FAT4: variants seen among roughly 807,000 people sequenced by gnomAD.
The protein encoded by FAT4 is protocadherin Fat 4.
FAT4 carries 84 observed loss-of-function variants against 303.9 expected under a neutral mutation model. That is an observed-to-expected ratio of 0.28 (90% CI 0.23 to 0.33). The LOEUF (loss-of-function observed/expected upper bound fraction) is 0.33, where lower values mean the gene tolerates loss of function less well. Ranked by LOEUF, FAT4 falls within the 10% of genes least tolerant of loss-of-function variation. The pLI is 1.00. For missense variants in FAT4, 6,005 were observed against 6,146.8 expected (o/e 0.98, Z 0.77); for synonymous variants, 2,307 against 2,298.8 (o/e 1.00, Z -0.10).
chr4:125,382,213 C>A (rs1733568571), intron 2 of FAT4, among the ~76,000 whole-genome samples: 2 of 152,148 alleles, frequency 1.3e-5, no homozygotes, highest in South Asian at 2.1e-4. Context: ...ATGGTGAATT[C>A]TTTCCAAGTT....
At chr4:125,479,541 G>T (rs1181645233) in intron 14 of FAT4, among the ~76,000 whole-genome samples, 200 bp from the exon 15 acceptor site, 10 of 151,832 alleles carry the variant, frequency 6.6e-5, no homozygotes, top group South Asian at 2.1e-4. Context: ...AATTTTTTTT[G>T]AATCTTCTTT....
intron 10 of FAT4, among the ~76,000 whole-genome samples, chr4:125,455,421 A>ATTTATTAATAT (rs1726244093): frequency 6.6e-6 from 1 of 152,218 alleles, no homozygotes; most frequent in Admixed American, 6.5e-5. Context: ...CTTTCCTTAC[A>ATTTATTAATAT]TCATAAAATA....
At chr4:125,369,416 A>G (rs867357745) in intron 2 of FAT4, among the ~76,000 whole-genome samples, 12 of 152,160 alleles carry the variant, frequency 7.9e-5, no homozygotes, top group African/African-American at 2.9e-4. Flanking sequence ...TGCCTGGGTG[A>G]TACAGTGAGA....
At position 125,450,068 on chromosome 4, in the gene FAT4, G is replaced by A. The variant is rs753834734; in HGVS notation, c.9058G>A (p.Glu3020Lys). ...IDDKDFGLNS[E>K]VEYFISNDNH... is the part of the protein sequence containing the mutation. Reference sequence around the variant, plus strand: ...TGACAAAGATTTTGGACTGAATTCAGAAGTGGAGTATTTCATTTCTAATGA... The same window carrying A: ...TGACAAAGATTTTGGACTGAATTCAAAAGTGGAGTATTTCATTTCTAATGA... Residue 3020 changes from glutamate (E) to lysine (K), a missense_variant, in exon 10 of 18, where the codon GAA becomes AAA. Glu to Lys is a moderately conservative substitution (Grantham distance 56, BLOSUM62 1). Coordinates refer to ENST00000394329, the MANE Select transcript of FAT4 (RefSeq NM_001291303.3). The A allele has an allele frequency of 6.2e-7, 1 of 1,613,932 alleles. No individual in the cohort carries two copies. The highest frequency in any genetic ancestry group is 2.2e-5 in the East Asian group (1 of 44,854).
intron 2 of FAT4, among the ~76,000 whole-genome samples, chr4:125,340,451 T>G (rs962870620): frequency 3.9e-5 from 6 of 151,920 alleles, no homozygotes; most frequent in African/African-American, 1.5e-4. Context: ...TGGCGTGATC[T>G]CGGCTAGCTG....
chr4:125,433,900 T>C (rs764415725), intron 7 of FAT4, among the ~76,000 whole-genome samples: 1 of 152,188 alleles, frequency 6.6e-6, no homozygotes, highest in Non-Finnish European at 1.5e-5. Context: ...TCTGGTTTTG[T>C]GCTATTTTAA....
At chr4:125,361,012 A>G (rs1417999822) in intron 2 of FAT4, among the ~76,000 whole-genome samples, 2 of 142,964 alleles carry the variant, frequency 1.4e-5, no homozygotes, top group Non-Finnish European at 3.1e-5. Flanking sequence ...AATATTTATT[A>G]AATATTTATT....
Position 125,489,923 on chromosome 4 carries a change from T to G in FAT4, c.13107T>G (p.Ala4369=), listed in dbSNP as rs1311201841. Residue 4369 remains alanine, a synonymous_variant, in exon 18 of 18, where the codon GCT becomes GCG. Transcript: ENST00000394329. The part of the protein sequence containing the change: ...AQTAGFDGCI[A]SMWYGGESLP... Reference sequence around the variant, plus strand: ...CAGCAGGTTTTGATGGCTGCATTGCTTCTATGTGGTATGGTGGAGAAAGTC... The same window carrying G: ...CAGCAGGTTTTGATGGCTGCATTGCGTCTATGTGGTATGGTGGAGAAAGTC... 1.3e-6 allele frequency: 2 copies of G among 1,563,060 alleles called. No individual in the cohort carries two copies. Among genetic ancestry groups the G allele is most frequent in the Non-Finnish European group, 1.7e-6 (2 of 1,150,876 alleles).
At chr4:125,351,407 CAG>C (rs1732218943) in intron 2 of FAT4, among the ~76,000 whole-genome samples, 1 of 151,700 alleles carries the variant, frequency 6.6e-6, no homozygotes, top group Non-Finnish European at 1.5e-5. Context: ...ACTAGCAAAA[CAG>C]AATTTCAAAT....
intron 7 of FAT4, among the ~76,000 whole-genome samples, chr4:125,425,107 A>G (rs1578628673): frequency 6.6e-6 from 1 of 152,208 alleles, no homozygotes; most frequent in African/African-American, 2.4e-5. Context: ...AAAGTCATAA[A>G]CATTAGATGA....
rs1241714396 is a variant in FAT4 at position 125,449,520 on chromosome 4, G to A, written c.8510G>A (p.Arg2837Lys). ...GDIVISRPLN[R>K]EDTDRYRIRV... Reference sequence around the variant, plus strand: ...ATTGTCATAAGCAGACCTTTAAATAGGGAAGATACAGACCGTTACAGAATT... The same window carrying A: ...ATTGTCATAAGCAGACCTTTAAATAAGGAAGATACAGACCGTTACAGAATT... Residue 2837 changes from arginine to lysine, a missense_variant, in exon 10 of 18, where the codon AGG (arginine) becomes AAG (lysine). Coordinates refer to ENST00000394329, the MANE Select transcript of FAT4 (RefSeq NM_001291303.3). 4 of 1,613,852 alleles carry A rather than the reference G, an allele frequency of 2.5e-6. No homozygotes were observed. The South Asian group carries it at 4.4e-5, about 18-fold the overall frequency.
At chr4:125,456,375 A>G (rs1444429892) in intron 10 of FAT4, among the ~76,000 whole-genome samples, 4 of 152,182 alleles carry the variant, frequency 2.6e-5, no homozygotes, top group Non-Finnish European at 4.4e-5. Flanking sequence ...AGTTCACTTC[A>G]GTCTTCATTT....
chr4:125,470,130 T>C (rs1056251031), intron 12 of FAT4, among the ~76,000 whole-genome samples: 1 of 152,190 alleles, frequency 6.6e-6, no homozygotes, highest in African/African-American at 2.4e-5. Flanking sequence ...AGCAGTAATA[T>C]TTTGAAAGGA....
rs368531838 is a variant in FAT4 at position 125,451,108 on chromosome 4, A to G, written c.10098A>G (p.Glu3366=). ...ATGTTTCTGGAATTCTTGATCGAGA[A>G]AAAGAAGAAAGGGTGTCTTTGAAGG... ...QIYVSGILDR[E]KEERVSLKVL... is the part of the protein sequence containing the mutation. The change falls in exon 10 of 18, where the codon GAA becomes GAG. Residue 3366 remains glutamate (E), a synonymous_variant. Coordinates refer to ENST00000394329, the MANE Select transcript of FAT4 (RefSeq NM_001291303.3). 1.0e-4 allele frequency: 162 copies of G among 1,614,042 alleles called. No individual in the cohort carries two copies. The highest frequency in any genetic ancestry group is 1.3e-4 in the Non-Finnish European group (157 of 1,180,032).
intron 9 of FAT4, among the ~76,000 whole-genome samples, chr4:125,447,747 A>G (rs992625593): frequency 1.3e-5 from 2 of 152,108 alleles, no homozygotes; most frequent in African/African-American, 4.8e-5. Flanking sequence ...TTTTACGACA[A>G]TCTGTTTCAT....
At position 125,415,363 on chromosome 4, in the gene FAT4, C is replaced by G; in HGVS notation, c.6400C>G (p.Leu2134Val). The change falls in exon 6 of 18, where the codon CTC becomes GTC. Residue 2134 changes from leucine (L) to valine (V), a missense_variant. Coordinates refer to ENST00000394329, the MANE Select transcript of FAT4 (RefSeq NM_001291303.3). The part of the protein sequence containing the change: ...VVATDKGQPS[L>V]SSSTEVVVMV... Reference sequence around the variant, plus strand: ...GGCTACAGACAAAGGTCAACCATCTCTCTCTTCATCTACAGAGGTTGTAGT... The same window carrying G: ...GGCTACAGACAAAGGTCAACCATCTGTCTCTTCATCTACAGAGGTTGTAGT... 6.2e-7 allele frequency: 1 copy of G among 1,614,058 alleles called. No individual in the cohort carries two copies. The highest frequency in any genetic ancestry group is 8.5e-7 in the Non-Finnish European group (1 of 1,179,978).
At chr4:125,342,696 CAT>C (rs1294290524) in intron 2 of FAT4, among the ~76,000 whole-genome samples, 1 of 151,514 alleles carries the variant, frequency 6.6e-6, no homozygotes, top group African/African-American at 2.4e-5. Context: ...TAGACGTCAT[CAT>C]ATATGTTTGA....
chr4:125,421,234 A>G (rs911811319), intron 7 of FAT4, among the ~76,000 whole-genome samples: 4 of 152,162 alleles, frequency 2.6e-5, no homozygotes, highest in African/African-American at 9.7e-5. Context: ...TCACCATTCG[A>G]CAATTCTTTT....
chr4:125,403,958 C>T (rs1354207398), intron 3 of FAT4, among the ~76,000 whole-genome samples: 1 of 151,976 alleles, frequency 6.6e-6, no homozygotes, highest in African/African-American at 2.4e-5. Context: ...GATTCCAATC[C>T]CTTAATTTCT....
Sources: allele counts gnomAD v4.1 joint callset (sites outside exome capture counted in the v4.1 genomes callset), GRCh38; gene constraint gnomAD v4.1.1; transcripts MANE v1.5; gene names NCBI Gene and HGNC (gene_info 2026-07-23, HGNC 2026-07-21).